Variants in TNIK observed in about 807,000 individuals in gnomAD.
TNIK encodes the protein TRAF2 and NCK-interacting protein kinase.
A neutral mutation model predicts 191.3 loss-of-function variants in TNIK; 49 were observed. That is an observed-to-expected ratio of 0.26 (90% CI 0.20 to 0.32). The LOEUF is 0.32. TNIK is among the 10% of genes least tolerant of loss of function. The pLI, the probability that TNIK is intolerant of heterozygous loss-of-function variation, is 1.00. For synonymous variants in TNIK, 594 were observed against 600.9 expected (o/e 0.99, Z 0.17); for missense variants, 1,155 against 1,702.3 (o/e 0.68, Z 5.66).
chr3:171,210,163 C>T (rs534063711), intron 4 of TNIK, among the ~76,000 whole-genome samples: 2 of 151,706 alleles, frequency 1.3e-5, no homozygotes, highest in Admixed American at 6.6e-5. Context: ...AGAGAGGAAG[C>T]GGGGAAGGAG....
chr3:171,349,073 TATCCTAGA>T (rs1436892075), intron 2 of TNIK, among the ~76,000 whole-genome samples: 1 of 151,096 alleles, frequency 6.6e-6, no homozygotes, highest in African/African-American at 2.4e-5. Flanking sequence ...AAACTAGTGA[TATCCTAGA>T]ATCCTAGAAA....
chr3:171,157,294 C>T (rs73882622), intron 12 of TNIK, among the ~76,000 whole-genome samples, 166 bp downstream of exon 12: 3,191 of 152,284 alleles, frequency 0.021, 114 homozygotes, highest in African/African-American at 0.073. Context: ...GCAAGGGAAG[C>T]CTTTTGTTTG....
At chr3:171,376,243 A>G (rs1043986534) in intron 1 of TNIK, among the ~76,000 whole-genome samples, 1 of 152,198 alleles carries the variant, frequency 6.6e-6, no homozygotes. Flanking sequence ...CTTCGAAAGT[A>G]CAGCATTAGG....
chr3:171,316,834 A>G (rs1754648353), intron 2 of TNIK, among the ~76,000 whole-genome samples: 1 of 151,456 alleles, frequency 6.6e-6, no homozygotes, highest in South Asian at 2.1e-4. Context: ...TACCCATGCA[A>G]CTACTATTTA....
intron 1 of TNIK, among the ~76,000 whole-genome samples, chr3:171,373,236 G>T (rs1177605689): frequency 6.6e-6 from 1 of 152,092 alleles, no homozygotes; most frequent in Non-Finnish European, 1.5e-5. Context: ...TCTCAGTCCT[G>T]TCCTAGTTGT....
At chr3:171,311,999 C>A (rs138265099) in intron 2 of TNIK, among the ~76,000 whole-genome samples, 2 of 151,152 alleles carry the variant, frequency 1.3e-5, no homozygotes, top group African/African-American at 4.9e-5. Context: ...GCGGGTGCGC[C>A]TGCCCACCCA....
rs760921469 is a variant in TNIK, at chr3:171,166,324, A to AT, written c.949+770dup. The stretch of plus-strand genomic sequence containing the variant: ...TTAGTTTCACTTTTCTTTGGCTTGC[A>AT]TTTTGTCTCATTTGGCAGCTCACCT... On this transcript the variant is annotated intron_variant, in intron 10 of 32. Coordinates refer to ENST00000436636, the MANE Select transcript of TNIK (RefSeq NM_015028.4). Among the ~76,000 whole-genome samples the AT allele has an allele frequency of 2.0e-5, 3 of 152,272 alleles. No individual in the cohort carries two copies. In the East Asian group the frequency reaches 5.8e-4, roughly 29 times the overall value.
At chr3:171,298,781 G>T (rs1212886620) in intron 2 of TNIK, among the ~76,000 whole-genome samples, 1 of 152,160 alleles carries the variant, frequency 6.6e-6, no homozygotes, top group Non-Finnish European at 1.5e-5. Flanking sequence ...ATCTGTTCCT[G>T]CAGCACATCT....
chr3:171,100,552 A>G (rs1417049363), intron 22 of TNIK, among the ~76,000 whole-genome samples: 1 of 152,064 alleles, frequency 6.6e-6, no homozygotes, highest in Non-Finnish European at 1.5e-5. Context: ...AGCTGAGCCA[A>G]AGAAATAGAG....
chr3:171,068,760 C>G, intron 30 of TNIK, 88 bp downstream of exon 30: 1 of 1,353,984 alleles, frequency 7.4e-7, no homozygotes, highest in Non-Finnish European at 9.7e-7. Context: ...GTGTGCATGA[C>G]TTCTACTAAA....
intron 2 of TNIK, among the ~76,000 whole-genome samples, chr3:171,322,169 C>T (rs1755231855): frequency 6.6e-6 from 1 of 152,074 alleles, no homozygotes; most frequent in African/African-American, 2.4e-5. Context: ...AGGGATTTTC[C>T]AAAAGCTGTA....
At chr3:171,135,365 G>A (rs888263674) in intron 15 of TNIK, among the ~76,000 whole-genome samples, 3 of 152,206 alleles carry the variant, frequency 2.0e-5, no homozygotes, top group Non-Finnish European at 4.4e-5. Context: ...CTACTAAGAA[G>A]TGGGTGTTAA....
chr3:171,347,199 T>C lies in TNIK; in HGVS notation c.123+22421A>G, dbSNP rs1408298611. On this transcript the variant is annotated intron_variant, in intron 2 of 32. Transcript: ENST00000436636. Reference sequence around the variant, plus strand: ...GGTTCTTGGAGTTGTGATAATGCCCTTCACTCACTGGTTCATTTGCTGAAA... The same window carrying C: ...GGTTCTTGGAGTTGTGATAATGCCCCTCACTCACTGGTTCATTTGCTGAAA... The C allele has an allele frequency of 3.3e-5, 50 of 1,527,484 alleles. No homozygotes were observed. The East Asian group carries it at 9.6e-4, about 29-fold the overall frequency. 94.6% of individuals were successfully genotyped at this position (1,527,484 alleles called of 1,614,324 possible).
At chr3:171,095,541 TTTCA>T (rs1249670726) in intron 22 of TNIK, among the ~76,000 whole-genome samples, 12 of 152,266 alleles carry the variant, frequency 7.9e-5, no homozygotes, top group African/African-American at 2.9e-4. Context: ...TTTCTTTTAT[TTTCA>T]TTGTTTCTTA....
At chr3:171,106,872 T>C (rs1724984347) in intron 21 of TNIK, 1 of 513,400 alleles carries the variant, frequency 1.9e-6, no homozygotes, top group Non-Finnish European at 3.8e-6. Context: ...GGCTGGCAAG[T>C]ACAGGTTTGC....
At chr3:171,273,011 G>T (rs1476170738) in intron 2 of TNIK, among the ~76,000 whole-genome samples, 1 of 152,202 alleles carries the variant, frequency 6.6e-6, no homozygotes, top group Non-Finnish European at 1.5e-5. Context: ...AGAGATTCTG[G>T]TCAGGACATC....
intron 3 of TNIK, 30 bp downstream of exon 3, chr3:171,228,135 C>G (rs370946911): frequency 1.2e-6 from 2 of 1,612,494 alleles, no homozygotes; most frequent in African/African-American, 2.7e-5. Context: ...ATCTGCATGG[C>G]TATTGAGATG....
At chr3:171,136,792 T>A (rs1345504457) in intron 15 of TNIK, among the ~76,000 whole-genome samples, 1 of 152,190 alleles carries the variant, frequency 6.6e-6, no homozygotes, top group Admixed American at 6.5e-5. Flanking sequence ...CAGCTGCTGT[T>A]TAGCAGCATA....
At chr3:171,392,517 G>T (rs888794603) in intron 1 of TNIK, among the ~76,000 whole-genome samples, 3 of 151,838 alleles carry the variant, frequency 2.0e-5, no homozygotes, top group Admixed American at 1.3e-4. Context: ...ACAGTGGCTC[G>T]GCCTGAAGTC....
Sources: allele counts gnomAD v4.1 joint callset (sites outside exome capture counted in the v4.1 genomes callset), GRCh38; gene constraint gnomAD v4.1.1; transcripts MANE v1.5; gene names NCBI Gene and HGNC (gene_info 2026-07-23, HGNC 2026-07-21).